Variants in CYP2J2 observed in about 807,000 individuals in gnomAD.
CYP2J2 encodes the protein cytochrome P450 family 2 subfamily J member 2.
A neutral mutation model predicts 48.8 loss-of-function variants in CYP2J2; 41 were observed. The observed-to-expected ratio is 0.84, with a 90% CI of 0.66 to 1.09. The LOEUF (loss-of-function observed/expected upper bound fraction) is 1.09, where lower values mean the gene tolerates loss of function less well. Ranked by LOEUF, CYP2J2 falls within the 50% of genes least tolerant of loss-of-function variation. The probability of loss-of-function intolerance (pLI) is 0.00; values close to 1 mark genes in which losing one functional copy is unlikely to be tolerated. For missense variants in CYP2J2, 644 were observed against 617.3 expected (o/e 1.04, Z -0.46); for synonymous variants, 221 against 227.1 (o/e 0.97, Z 0.24).
chr1:59,898,880 C>A (rs1450662056), intron 8 of CYP2J2, among the ~76,000 whole-genome samples: 3 of 152,142 alleles, frequency 2.0e-5, no homozygotes, highest in Non-Finnish European at 4.4e-5. Flanking sequence ...GTGCAATACA[C>A]CTCTCAATAG....
At chr1:59,955,182 TAAA>T in the CYP2J2 span, among the ~76,000 whole-genome samples, 3 of 148,568 alleles carry the variant, frequency 2.0e-5, no homozygotes, top group African/African-American at 7.4e-5. Context: ...ATTAAAAAAA[TAAA>T]AAATATGTGC....
chr1:59,928,917 C>T (rs1437750053), upstream of CYP2J2, among the ~76,000 whole-genome samples: 3 of 152,220 alleles, frequency 2.0e-5, no homozygotes, highest in Non-Finnish European at 4.4e-5. Flanking sequence ...CTCTTGGGAC[C>T]AGAACAAATC....
the CYP2J2 span, among the ~76,000 whole-genome samples, chr1:59,965,042 T>A: frequency 6.6e-6 from 1 of 152,178 alleles, no homozygotes; most frequent in Non-Finnish European, 1.5e-5. Flanking sequence ...GTTTATAGAA[T>A]CTACTGATAA....
chr1:59,916,229 G>A (rs1644464809), intron 1 of CYP2J2, 129 bp from the exon 2 acceptor site: 18 of 630,416 alleles, frequency 2.9e-5, no homozygotes, highest in Admixed American at 5.9e-5. Flanking sequence ...GTGTACGTGT[G>A]TGTGTGTGTG....
chr1:59,904,925 G>C lies in CYP2J2; in HGVS notation c.1137C>G (p.Asn379Lys). The change falls in exon 7 of 9, where the codon AAC becomes AAG. Residue 379 changes from asparagine to lysine, a missense_variant. Physicochemically the swap from Asn to Lys is moderately conservative, Grantham distance 94. Coordinates refer to ENST00000371204, the MANE Select transcript of CYP2J2 (RefSeq NM_000775.4). ...TATCAACTGTCACTTCCCTGGGAAC[G>C]TTCAGGGGGATGATGTTGCCCATTC... ...VQRMGNIIPL[N>K]VPREVTVDTT... The C allele has an allele frequency of 6.2e-7, 1 of 1,613,902 alleles. No homozygotes were observed. The highest frequency in any genetic ancestry group is 8.5e-7 in the Non-Finnish European group (1 of 1,179,908).
chr1:59,909,877 C>T lies in CYP2J2; in HGVS notation c.768G>A (p.Leu256=). ...TLFSNWKKLK[L]FVSHMIDKHR... ...GTTTGTCAATCATATGAGAAACAAA[C>T]AATTTCAGTTTTTTCCAGTTGCTGA... is the stretch of plus-strand genomic sequence containing the variant. Residue 256 remains leucine, a synonymous_variant, in exon 5 of 9, where the codon TTG becomes TTA. Transcript: ENST00000371204. 17 of 1,612,062 alleles carry T rather than the reference C, an allele frequency of 1.1e-5. No homozygotes were observed. The highest frequency in any genetic ancestry group is 1.4e-5 in the Non-Finnish European group (16 of 1,179,140).
At chr1:59,960,907 T>C in the CYP2J2 span, among the ~76,000 whole-genome samples, 1 of 151,120 alleles carries the variant, frequency 6.6e-6, no homozygotes, top group African/African-American at 2.4e-5. Context: ...GAAGAACAGG[T>C]TTTTCAACAA....
the CYP2J2 span, among the ~76,000 whole-genome samples, chr1:59,941,536 A>G: frequency 1.3e-5 from 2 of 152,190 alleles, no homozygotes; most frequent in African/African-American, 4.8e-5. Context: ...CACTTATTGA[A>G]AAAAAGTTAA....
At chr1:59,959,561 T>C in the CYP2J2 span, among the ~76,000 whole-genome samples, 11 of 152,192 alleles carry the variant, frequency 7.2e-5, no homozygotes, top group African/African-American at 2.4e-4. Context: ...GATATATATA[T>C]ATGTATGTGT....
the CYP2J2 span, among the ~76,000 whole-genome samples, chr1:59,945,268 TTA>T: frequency 2.6e-5 from 4 of 152,182 alleles, no homozygotes; most frequent in African/African-American, 9.7e-5. Flanking sequence ...CACTATTTTG[TTA>T]TGAGACGAAG....
At chr1:59,966,230 T>C in the CYP2J2 span, among the ~76,000 whole-genome samples, 2 of 152,210 alleles carry the variant, frequency 1.3e-5, no homozygotes, top group South Asian at 2.1e-4. Context: ...AGACTTTTCA[T>C]GTTAACTAAA....
upstream of CYP2J2, among the ~76,000 whole-genome samples, chr1:59,931,142 C>T (rs1364420095): frequency 6.6e-6 from 1 of 152,096 alleles, no homozygotes; most frequent in African/African-American, 2.4e-5. Context: ...TAGAGACACA[C>T]AATCCGGGTA....
At chr1:59,920,616 T>C (rs1644504366) in intron 1 of CYP2J2, among the ~76,000 whole-genome samples, 1 of 152,136 alleles carries the variant, frequency 6.6e-6, no homozygotes, top group South Asian at 2.1e-4. Flanking sequence ...TGAGCTAGGC[T>C]GAGGAGAGTC....
the CYP2J2 span, among the ~76,000 whole-genome samples, chr1:59,957,108 T>C: frequency 6.6e-6 from 1 of 152,134 alleles, no homozygotes; most frequent in South Asian, 2.1e-4. Context: ...CCACAGAAAC[T>C]GTGAGAGGAA....
the CYP2J2 span, among the ~76,000 whole-genome samples, chr1:59,944,155 T>C: frequency 6.6e-6 from 1 of 152,220 alleles, no homozygotes; most frequent in Non-Finnish European, 1.5e-5. Flanking sequence ...TCTCATACAA[T>C]GAGCATTGGT....
Position 59,926,631 on chromosome 1 carries a change from C to A in CYP2J2, c.116G>T (p.Arg39Leu). Residue 39 changes from arginine (R) to leucine (L), a missense_variant, in exon 1 of 9, where the codon CGC becomes CTC. Physicochemically the swap from Arg to Leu is moderately radical, Grantham distance 102 (BLOSUM62 -2). Coordinates refer to ENST00000371204, the MANE Select transcript of CYP2J2 (RefSeq NM_000775.4). The part of the protein sequence containing the change: ...LLAADFLKRR[R>L]PKNYPPGPWR... The stretch of plus-strand genomic sequence containing the variant: ...GGGCCCCGGCGGGTAGTTCTTTGGG[C>A]GCCGTCTTTTGAGAAAGTCAGCAGC... 6.2e-7 allele frequency: 1 copy of A among 1,614,206 alleles called. No homozygotes were observed. The highest frequency in any genetic ancestry group is 2.2e-5 in the East Asian group (1 of 44,880).
rs768062592 is a variant in CYP2J2, at chr1:59,916,108, A to G, written c.211-8T>C. Reference sequence around the variant, plus strand: ...CCCATATTTCTTCACAAACTGAAAAATAGTTAAATCGTAACAGTTGAATAT... The same window carrying G: ...CCCATATTTCTTCACAAACTGAAAAGTAGTTAAATCGTAACAGTTGAATAT... On this transcript the variant is annotated splice_polypyrimidine_tract_variant and splice_region_variant and intron_variant, in intron 1 of 8. Transcript: ENST00000371204. The G allele has an allele frequency of 1.1e-5, 18 of 1,606,136 alleles. No individual in the cohort carries two copies. The highest frequency in any genetic ancestry group is 1.5e-5 in the Non-Finnish European group (18 of 1,176,196).
chr1:59,921,511 G>A (rs1011536673), intron 1 of CYP2J2, among the ~76,000 whole-genome samples: 1 of 152,058 alleles, frequency 6.6e-6, no homozygotes, highest in African/African-American at 2.4e-5. Flanking sequence ...CCCTTGTGGA[G>A]AGCCTATAAA....
chr1:59,896,862 T>A (rs1278201212), intron 8 of CYP2J2, among the ~76,000 whole-genome samples: 6 of 152,236 alleles, frequency 3.9e-5, no homozygotes, highest in African/African-American at 1.2e-4. Flanking sequence ...TTAACATATT[T>A]CCTCATTGTC....
Sources: gnomAD v4.1 joint callset for allele counts (sites outside exome capture counted in the v4.1 genomes callset) on GRCh38, gnomAD v4.1.1 for gene constraint, MANE v1.5 for transcripts, NCBI Gene and HGNC (gene_info 2026-07-23, HGNC 2026-07-21) for gene names.